MGMT: variants seen among roughly 807,000 people sequenced by gnomAD.
MGMT encodes the protein methylated-DNA--protein-cysteine methyltransferase.
A neutral mutation model predicts 15.9 loss-of-function variants in MGMT; 14 were observed. The ratio of observed to expected loss-of-function variants is 0.88; its 90% CI spans 0.58 to 1.37. The LOEUF (loss-of-function observed/expected upper bound fraction) is 1.37, where lower values mean the gene tolerates loss of function less well. Ranked by LOEUF, MGMT falls within the 40% of genes most tolerant of loss-of-function variation. The pLI is 0.00. For missense variants in MGMT, 282 were observed against 268.1 expected (o/e 1.05, Z -0.36); for synonymous variants, 130 against 118.2 (o/e 1.10, Z -0.65).
chr10:129,661,630 T>C (rs1315729883), intron 2 of MGMT, among the ~76,000 whole-genome samples: 2 of 152,236 alleles, frequency 1.3e-5, no homozygotes, highest in Non-Finnish European at 2.9e-5. Context: ...TCTAACAAGT[T>C]ATACATATTT....
At chr10:129,587,024 T>G (rs1276502818) in intron 2 of MGMT, among the ~76,000 whole-genome samples, 1 of 152,246 alleles carries the variant, frequency 6.6e-6, no homozygotes, top group Non-Finnish European at 1.5e-5. Flanking sequence ...AATTTTGAGT[T>G]TTCTCTTTTC....
chr10:129,691,757 C>G (rs529657696), intron 2 of MGMT, among the ~76,000 whole-genome samples: 49 of 152,278 alleles, frequency 3.2e-4, no homozygotes, highest in African/African-American at 1.2e-3. Flanking sequence ...GCTTCCTGGG[C>G]TGGATCCTGC....
At chr10:129,727,114 C>T (rs1848443073) in intron 3 of MGMT, among the ~76,000 whole-genome samples, 1 of 152,182 alleles carries the variant, frequency 6.6e-6, no homozygotes, top group Admixed American at 6.5e-5. Context: ...AGCCAGTCTC[C>T]ATGTGACACC....
intron 3 of MGMT, among the ~76,000 whole-genome samples, chr10:129,748,347 G>C (rs147451318): frequency 6.6e-6 from 1 of 152,114 alleles, no homozygotes; most frequent in Non-Finnish European, 1.5e-5. Flanking sequence ...AGATTGTGCA[G>C]TTTGCTCCTG....
intron 1 of MGMT, among the ~76,000 whole-genome samples, chr10:129,512,341 A>G (rs1340895042): frequency 1.3e-5 from 2 of 152,288 alleles, no homozygotes; most frequent in African/African-American, 4.8e-5. Flanking sequence ...AGTGTTTGCT[A>G]TGCTCATTTT....
At chr10:129,741,066 T>C (rs1303073370) in intron 3 of MGMT, among the ~76,000 whole-genome samples, 1 of 152,204 alleles carries the variant, frequency 6.6e-6, no homozygotes, top group African/African-American at 2.4e-5. Context: ...GGCTGGCCAC[T>C]GGGTACCAAG....
intron 2 of MGMT, among the ~76,000 whole-genome samples, chr10:129,551,452 G>A (rs918503464): frequency 2.0e-5 from 3 of 152,108 alleles, no homozygotes; most frequent in Non-Finnish European, 4.4e-5. Flanking sequence ...GGTGACTTCA[G>A]GAAGAGCATC....
At chr10:129,610,079 T>C (rs540241956) in intron 2 of MGMT, among the ~76,000 whole-genome samples, 1 of 152,326 alleles carries the variant, frequency 6.6e-6, no homozygotes, top group Admixed American at 6.5e-5. Context: ...TTGGATTATT[T>C]TGGAGTATGC....
At chr10:129,509,101 C>T (rs966756285) in intron 1 of MGMT, among the ~76,000 whole-genome samples, 1 of 152,188 alleles carries the variant, frequency 6.6e-6, no homozygotes, top group African/African-American at 2.4e-5. Flanking sequence ...GCCAAGAGCC[C>T]TTGCCATCAC....
intron 2 of MGMT, among the ~76,000 whole-genome samples, chr10:129,671,775 C>T (rs534603579): frequency 2.0e-5 from 3 of 152,322 alleles, no homozygotes; most frequent in East Asian, 1.9e-4. Context: ...TTGCCGAACA[C>T]GTGAAGTTCT....
At position 129,617,670 on chromosome 10, in the gene MGMT, C is replaced by G. The variant is rs113096951; in HGVS notation, c.125+81293C>G. Among the ~76,000 whole-genome samples, 745 of 152,248 alleles carry G rather than the reference C, an allele frequency of 4.9e-3. 4 individuals carry two copies. The highest frequency in any genetic ancestry group is 0.017 in the African/African-American group (707 of 41,508). Reference sequence around the variant, plus strand: ...CACTGTGGTTTTGATTTGCATTTCTCTAATGATTAGTGATGTTGAGCATTT... The same window carrying G: ...CACTGTGGTTTTGATTTGCATTTCTGTAATGATTAGTGATGTTGAGCATTT... On this transcript the variant is annotated intron_variant, in intron 2 of 4. Coordinates refer to ENST00000651593, the MANE Select transcript of MGMT (RefSeq NM_002412.5).
Position 129,610,539 on chromosome 10 carries a change from T to TCATAG in MGMT, c.125+74165_125+74169dup, listed in dbSNP as rs534971715. On this transcript the variant is annotated intron_variant, in intron 2 of 4. Transcript: ENST00000651593. Reference sequence around the variant, plus strand: ...ATGCAATAGCGATTCCTCATGCCCCTCATAGCACTTCTGGACTTTTTCCTT... The same window carrying TCATAG: ...ATGCAATAGCGATTCCTCATGCCCCTCATAGCATAGCACTTCTGGACTTTTTCCTT... Among the ~76,000 whole-genome samples the TCATAG allele has an allele frequency of 2.8e-3, 427 of 152,366 alleles. 4 individuals are homozygous for TCATAG. The highest frequency in any genetic ancestry group is 9.6e-3 in the African/African-American group (399 of 41,582).
intron 2 of MGMT, among the ~76,000 whole-genome samples, chr10:129,560,594 A>G (rs1325288861): frequency 1.3e-5 from 2 of 152,218 alleles, no homozygotes; most frequent in African/African-American, 4.8e-5. Flanking sequence ...ACGGTGGCAG[A>G]GTGCCTACTG....
At chr10:129,552,421 G>T (rs915659830) in intron 2 of MGMT, among the ~76,000 whole-genome samples, 8 of 152,242 alleles carry the variant, frequency 5.3e-5, no homozygotes, top group African/African-American at 1.9e-4. Context: ...CCAGAGGTCA[G>T]TGACAGTGGA....
intron 2 of MGMT, chr10:129,702,122 C>T (rs1261576793): frequency 3.3e-5 from 5 of 152,170 alleles, no homozygotes; most frequent in Non-Finnish European, 7.3e-5. Flanking sequence ...ACGGCAACTC[C>T]GGGAGAATAT....
chr10:129,664,835 G>C (rs539189504), intron 2 of MGMT, among the ~76,000 whole-genome samples: 4 of 152,138 alleles, frequency 2.6e-5, no homozygotes, highest in African/African-American at 9.7e-5. Flanking sequence ...TGGAAGATAA[G>C]CATATGAAAA....
At chr10:129,766,258 C>T (rs937622116) in intron 4 of MGMT, among the ~76,000 whole-genome samples, 3 of 152,152 alleles carry the variant, frequency 2.0e-5, no homozygotes, top group African/African-American at 7.2e-5. Context: ...GGCATGGCTG[C>T]GTTCCAGTAA....
intron 2 of MGMT, among the ~76,000 whole-genome samples, chr10:129,651,621 A>G (rs1252532257): frequency 6.6e-6 from 1 of 152,182 alleles, no homozygotes; most frequent in Non-Finnish European, 1.5e-5. Flanking sequence ...CATGATGATA[A>G]TTATAACTCA....
Position 129,748,682 on chromosome 10 carries a change from A to G in MGMT, c.275-10520A>G, listed in dbSNP as rs373438500. ...TATACTAACCCACGGACAGATAAAT[A>G]TTGTAAACATTTCTGTATGCAATTA... On this transcript the variant is annotated intron_variant, in intron 3 of 4. Coordinates refer to ENST00000651593, the MANE Select transcript of MGMT (RefSeq NM_002412.5). 1.7e-4 allele frequency among the ~76,000 whole-genome samples: 26 copies of G among 152,318 alleles called. 1 individual carries two copies. In the East Asian group the frequency reaches 4.1e-3, roughly 24 times the overall value.
Sources: allele counts gnomAD v4.1 joint callset (sites outside exome capture counted in the v4.1 genomes callset), GRCh38; gene constraint gnomAD v4.1.1; transcripts MANE v1.5; gene names NCBI Gene and HGNC (gene_info 2026-07-23, HGNC 2026-07-21).